ELP4: variants seen among roughly 807,000 people sequenced by gnomAD.
The protein encoded by ELP4 is elongator acetyltransferase complex subunit 4.
A neutral mutation model predicts 48.9 loss-of-function variants in ELP4; 51 were observed. That is an observed-to-expected ratio of 1.04 (90% CI 0.83 to 1.32). The LOEUF is 1.32. ELP4 is among the 40% of genes most tolerant of loss of function. ELP4 has a pLI of 0.00. For missense variants in ELP4, 519 were observed against 514.6 expected, an observed-to-expected ratio of 1.01 and a Z score of -0.08; for synonymous variants, 210 against 189.2, an observed-to-expected ratio of 1.11 and a Z score of -0.90.
intron 9 of ELP4, among the ~76,000 whole-genome samples, chr11:31,759,711 CTTT>C (rs371425015): frequency 1.4e-5 from 2 of 143,302 alleles, no homozygotes; most frequent in Admixed American, 6.9e-5. Flanking sequence ...TTTCTTTTTT[CTTT>C]TTTTTTTTTT....
chr11:31,730,799 G>T (rs1947169515), intron 9 of ELP4, among the ~76,000 whole-genome samples: 1 of 152,170 alleles, frequency 6.6e-6, no homozygotes, highest in African/African-American at 2.4e-5. Flanking sequence ...TTAGGGGGCT[G>T]CCCAAGGGGC....
At chr11:31,580,484 G>T (rs935550111) in intron 3 of ELP4, among the ~76,000 whole-genome samples, 3 of 151,970 alleles carry the variant, frequency 2.0e-5, no homozygotes, top group Non-Finnish European at 4.4e-5. Context: ...TTTCTGTACT[G>T]CCTTTTCCTT....
chr11:31,710,271 CAGAA>C (rs1444715355), intron 9 of ELP4, among the ~76,000 whole-genome samples: 1 of 152,116 alleles, frequency 6.6e-6, no homozygotes, highest in East Asian at 1.9e-4. Flanking sequence ...TTTGTATGGA[CAGAA>C]AGAGGCAACA....
chr11:31,614,589 A>C (rs1958041452), intron 5 of ELP4, among the ~76,000 whole-genome samples: 1 of 152,186 alleles, frequency 6.6e-6, no homozygotes, highest in Non-Finnish European at 1.5e-5. Context: ...TTAACTACAA[A>C]GGGGAAAAGA....
At chr11:31,775,781 A>G (rs1948232358) in intron 9 of ELP4, among the ~76,000 whole-genome samples, 1 of 152,106 alleles carries the variant, frequency 6.6e-6, no homozygotes, top group Non-Finnish European at 1.5e-5. Context: ...CCTGACCAAC[A>G]TGGCAAAATC....
chr11:31,527,354 G>A (rs1224060908), intron 2 of ELP4, among the ~76,000 whole-genome samples: 1 of 151,954 alleles, frequency 6.6e-6, no homozygotes, highest in East Asian at 1.9e-4. Flanking sequence ...TACATATATA[G>A]GATACATAGA....
At chr11:31,565,133 G>A (rs369718020) in intron 3 of ELP4, among the ~76,000 whole-genome samples, 9 of 152,248 alleles carry the variant, frequency 5.9e-5, no homozygotes, top group African/African-American at 2.2e-4. Context: ...GCCAGTGATG[G>A]TGAGCATTTT....
chr11:31,523,157 C>T (rs1238172967), intron 2 of ELP4, among the ~76,000 whole-genome samples: 2 of 151,944 alleles, frequency 1.3e-5, no homozygotes, highest in African/African-American at 4.8e-5. Context: ...TTGGTGTGAG[C>T]CACTGCATCT....
At position 31,517,310 on chromosome 11, in the gene ELP4, G is replaced by A. The variant is rs117406005; in HGVS notation, c.224-2746G>A. ...GTGATTCTCCTGCCTCAGCTCCCCC[G>A]AATAGCTGGGATTACAGGAGCGGGC... On this transcript the variant is annotated intron_variant, in intron 1 of 9. Transcript: ENST00000640961. 8.8e-3 allele frequency among the ~76,000 whole-genome samples: 1,331 copies of A among 150,756 alleles called. 8 individuals carry two copies. Among genetic ancestry groups the A allele is most frequent in the Non-Finnish European group, 0.014 (962 of 67,730 alleles).
intron 3 of ELP4, among the ~76,000 whole-genome samples, chr11:31,552,643 G>T (rs538787921): frequency 1.3e-5 from 2 of 152,084 alleles, no homozygotes; most frequent in South Asian, 4.2e-4. Context: ...ATACTACTTT[G>T]AACATAAATT....
intron 9 of ELP4, among the ~76,000 whole-genome samples, chr11:31,756,041 T>A (rs117747087): frequency 1.3e-5 from 2 of 152,196 alleles, no homozygotes; most frequent in Non-Finnish European, 2.9e-5. Context: ...TATTGAAAGG[T>A]TTGGGAAATT....
At chr11:31,667,119 C>A (rs952631844) in intron 9 of ELP4, among the ~76,000 whole-genome samples, 3 of 152,130 alleles carry the variant, frequency 2.0e-5, no homozygotes, top group African/African-American at 7.2e-5. Context: ...TTATAAAATG[C>A]AGTCTATTTG....
At chr11:31,621,839 A>T (rs1944629055) in intron 5 of ELP4, among the ~76,000 whole-genome samples, 1 of 151,840 alleles carries the variant, frequency 6.6e-6, no homozygotes, top group African/African-American at 2.4e-5. Flanking sequence ...CTTTTCATTG[A>T]ATCTAGATCT....
intron 9 of ELP4, among the ~76,000 whole-genome samples, chr11:31,707,887 G>A (rs967780169): frequency 3.3e-5 from 5 of 151,940 alleles, no homozygotes; most frequent in Non-Finnish European, 7.4e-5. Flanking sequence ...CCTTTTATAA[G>A]GACTCTTGTG....
chr11:31,603,868 T>C lies in ELP4; in HGVS notation c.614T>C (p.Leu205Pro). 1 of 1,611,958 alleles carries C rather than the reference T, an allele frequency of 6.2e-7. No individual in the cohort carries two copies. The highest frequency in any genetic ancestry group is 1.3e-5 in the African/African-American group (1 of 74,980). Residue 205 changes from leucine (L) to proline (P), a missense_variant, in exon 5 of 10, where the codon CTT becomes CCT. Leu to Pro is a moderately conservative substitution (Grantham distance 98). Coordinates refer to ENST00000640961, the MANE Select transcript of ELP4 (RefSeq NM_019040.5). ...GCTTCAAATTGGCATGGATTTTTTC[T>C]TCCAGAGAAAATATCTTCAACTCTC... ...IEASNWHGFF[L>P]PEKISSTLKV...
chr11:31,557,963 A>G (rs1227753866), intron 3 of ELP4, among the ~76,000 whole-genome samples: 2 of 152,062 alleles, frequency 1.3e-5, no homozygotes, highest in Non-Finnish European at 2.9e-5. Context: ...TGTTCATCAT[A>G]TAAATACAAC....
intron 3 of ELP4, among the ~76,000 whole-genome samples, chr11:31,594,260 C>CACA (rs1230797065): frequency 6.6e-6 from 1 of 152,152 alleles, no homozygotes; most frequent in Non-Finnish European, 1.5e-5. Context: ...CATAAGCTTG[C>CACA]AGGTGCAAAG....
At chr11:31,632,596 G>T (rs1031470048) in intron 7 of ELP4, 191 bp downstream of exon 7, 2 of 434,680 alleles carry the variant, frequency 4.6e-6, no homozygotes, top group African/African-American at 4.1e-5. Flanking sequence ...AATTTGTAAA[G>T]TTCCTTGATA....
rs113709869 is a variant in ELP4, at chr11:31,536,642, G to A, written c.260-3020G>A. Among the ~76,000 whole-genome samples, 624 of 152,210 alleles carry A rather than the reference G, an allele frequency of 4.1e-3. 7 individuals carry two copies. The highest frequency in any genetic ancestry group is 0.014 in the African/African-American group (581 of 41,508). On this transcript the variant is annotated intron_variant, in intron 2 of 9. Coordinates refer to ENST00000640961, the MANE Select transcript of ELP4 (RefSeq NM_019040.5). ...ATGGGGATTACAGACATGAGCCACC[G>A]CATCTGGTCTGCCAAACTGTTTTCT...
Sources: allele counts gnomAD v4.1 joint callset (sites outside exome capture counted in the v4.1 genomes callset), GRCh38; gene constraint gnomAD v4.1.1; transcripts MANE v1.5; gene names NCBI Gene and HGNC (gene_info 2026-07-23, HGNC 2026-07-21).